USP14: variants seen among roughly 807,000 people sequenced by gnomAD.
USP14 encodes the protein ubiquitin specific peptidase 14.
In USP14, 38 loss-of-function variants were observed where a neutral mutation model predicts 76.5. The ratio of observed to expected loss-of-function variants is 0.50; its 90% CI spans 0.38 to 0.65. The LOEUF (loss-of-function observed/expected upper bound fraction) is 0.65. USP14 is among the 30% of genes least tolerant of loss of function. The probability of loss-of-function intolerance (pLI) is 0.00; values close to 1 mark genes in which losing one functional copy is unlikely to be tolerated. For synonymous variants in USP14, 192 were observed against 191.7 expected (o/e 1.00, Z -0.01); for missense variants, 467 against 586.5 (o/e 0.80, Z 2.10).
chr18:170,141 A>G (rs1909401574), intron 3 of USP14, among the ~76,000 whole-genome samples: 1 of 152,040 alleles, frequency 6.6e-6, no homozygotes, highest in East Asian at 1.9e-4. Flanking sequence ...TCTCCACTAA[A>G]TAAAAATAGA....
At chr18:173,974 G>T (rs927496095) in intron 3 of USP14, among the ~76,000 whole-genome samples, 1 of 152,136 alleles carries the variant, frequency 6.6e-6, no homozygotes, top group African/African-American at 2.4e-5. Flanking sequence ...TTCAGGCCTT[G>T]AAATCAGGTC....
In USP14 at chr18:180,290, A is replaced by G. The variant is rs750652268; in HGVS notation, c.355A>G (p.Thr119Ala). The part of the protein sequence containing the change: ...NLGNTCYMNA[T>A]VQCIRSVPEL... ...TGGTAACACTTGTTACATGAATGCC[A>G]CAGTTCAGTGTATTCGTTCTGTGCC... The change falls in exon 5 of 16, where the codon ACA becomes GCA. Residue 119 changes from threonine to alanine, a missense_variant. Thr to Ala is a moderately conservative substitution (Grantham distance 58, BLOSUM62 0). Coordinates refer to ENST00000261601, the MANE Select transcript of USP14 (RefSeq NM_005151.4). 6.3e-7 allele frequency: 1 copy of G among 1,586,996 alleles called. No homozygotes were observed. The highest frequency in any genetic ancestry group is 8.5e-7 in the Non-Finnish European group (1 of 1,173,184).
intron 5 of USP14, among the ~76,000 whole-genome samples, chr18:189,397 C>T (rs1910023964): frequency 6.6e-6 from 1 of 151,994 alleles, no homozygotes; most frequent in Non-Finnish European, 1.5e-5. Context: ...TGCTTGTTCT[C>T]TATTTGTTAG....
intron 5 of USP14, among the ~76,000 whole-genome samples, chr18:180,624 T>A (rs1193668425): frequency 6.6e-6 from 1 of 152,218 alleles, no homozygotes; most frequent in Non-Finnish European, 1.5e-5. Context: ...GTTCATCTAC[T>A]TTCTGTCATA....
At chr18:183,680 A>T (rs1377311183) in intron 5 of USP14, among the ~76,000 whole-genome samples, 1 of 148,798 alleles carries the variant, frequency 6.7e-6, no homozygotes, top group African/African-American at 2.5e-5. Context: ...ATAACTCCTT[A>T]TTCTTAATTT....
chr18:211,081 C>CT, intron 15 of USP14, 52 bp from the exon 16 acceptor site: 3 of 1,570,114 alleles, frequency 1.9e-6, no homozygotes, highest in Admixed American at 3.5e-5. Context: ...CAGTGGAACT[C>CT]TGAGACGAAT....
chr18:210,253 T>C, intron 14 of USP14, 133 bp from the exon 15 acceptor site: 3 of 735,348 alleles, frequency 4.1e-6, no homozygotes, highest in Non-Finnish European at 6.6e-6. Context: ...TTAACTATGA[T>C]TGGACAGTAG....
At chr18:185,758 G>A (rs1022693618) in intron 5 of USP14, among the ~76,000 whole-genome samples, 1 of 151,698 alleles carries the variant, frequency 6.6e-6, no homozygotes, top group Non-Finnish European at 1.5e-5. Flanking sequence ...GGAGTGGCAC[G>A]ATCACAGATC....
In USP14 at chr18:170,028, G is replaced by A. The variant is rs367934425; in HGVS notation, c.195+3209G>A. 7.2e-5 allele frequency among the ~76,000 whole-genome samples: 11 copies of A among 152,168 alleles called. No individual in the cohort carries two copies. In the East Asian group the frequency reaches 2.1e-3, roughly 29 times the overall value. On this transcript the variant is annotated intron_variant, in intron 3 of 15. Transcript: ENST00000261601. ...CAATTAATAACCCTACAGGCTGAGC[G>A]CGGTGGCTCACACCTGTAATCCTAG...
chr18:188,016 C>T (rs546351203), intron 5 of USP14, among the ~76,000 whole-genome samples: 35 of 152,166 alleles, frequency 2.3e-4, no homozygotes, highest in African/African-American at 8.4e-4. Flanking sequence ...CTTCATGTTT[C>T]TTTCGTGCTT....
In USP14 at chr18:171,025, A is replaced by ATATATATATATATAGATATATATATAT. The variant is rs1555762344; in HGVS notation, c.195+4206_195+4207insTATATATATATATAGATATATATATAT. ...CCTGGAACTTAAAAAAAAAAAAAAA[A>ATATATATATATATAGATATATATATAT]ATATATATATATATATATATATATA... On this transcript the variant is annotated intron_variant, in intron 3 of 15. Transcript: ENST00000261601. Among the ~76,000 whole-genome samples the ATATATATATATATAGATATATATATAT allele has an allele frequency of 1.0e-4, 5 of 47,650 alleles. 1 individual carries two copies. The East Asian group carries it at 4.6e-3, about 44-fold the overall frequency. The allele number at this position is 47,650 out of a possible 152,430, so 31.3% of individuals were successfully genotyped here. A position where few individuals can be genotyped will look rare whatever the true frequency, so the allele number is the denominator to read the frequency against.
intron 15 of USP14, 68 bp from the exon 16 acceptor site, chr18:211,065 T>C: frequency 6.5e-7 from 1 of 1,527,540 alleles, no homozygotes; most frequent in Non-Finnish European, 8.9e-7. Context: ...CTTGATACTT[T>C]TTTTGCAGTG....
At chr18:158,868 C>T in intron 1 of USP14, 154 bp downstream of exon 1, 2 of 1,172,222 alleles carry the variant, frequency 1.7e-6, no homozygotes, top group Non-Finnish European at 2.1e-6. Context: ...AGGCACCGTC[C>T]CCTCTCCCGG....
In USP14 at chr18:213,120, A is replaced by C. The variant is rs1475753497; in HGVS notation, c.*1836A>C. On this transcript the variant is annotated 3_prime_UTR_variant, in exon 16 of 16. Transcript: ENST00000261601. ...GAGACCATGAAAATTATAATGATTCATGTATATTTGTATGATGCTTGTAAC... is the reference window on the plus strand; with the variant it reads ...GAGACCATGAAAATTATAATGATTCCTGTATATTTGTATGATGCTTGTAAC... 6.9e-6 allele frequency: 1 copy of C among 145,772 alleles called. No individual in the cohort carries two copies. The highest frequency in any genetic ancestry group is 6.8e-5 in the Admixed American group (1 of 14,744). 9.0% of individuals were successfully genotyped at this position (145,772 alleles called of 1,614,324 possible).
At chr18:196,523 C>CAAA in intron 6 of USP14, 114 bp from the exon 7 acceptor site, 24 of 967,234 alleles carry the variant, frequency 2.5e-5, no homozygotes, top group East Asian at 1.1e-4. Context: ...GACTCCATCT[C>CAAA]AAAAAAAAAA....
At chr18:193,773 C>G (rs564733099) in intron 6 of USP14, among the ~76,000 whole-genome samples, 1 of 152,206 alleles carries the variant, frequency 6.6e-6, no homozygotes, top group East Asian at 1.9e-4. Context: ...GTACTTCATT[C>G]TTTTTTATTG....
chr18:210,382 T>G lies in USP14; in HGVS notation c.1226-4T>G, dbSNP rs200559280. 3 of 1,584,364 alleles carry G rather than the reference T, an allele frequency of 1.9e-6. No homozygotes were observed. Among genetic ancestry groups the G allele is most frequent in the Non-Finnish European group, 1.7e-6 (2 of 1,162,582 alleles). On this transcript the variant is annotated splice_region_variant and splice_polypyrimidine_tract_variant and intron_variant, in intron 14 of 15. Transcript: ENST00000261601. ...AATATTAATGGATTTACATCTTTCT[T>G]TAGATATTGGCTCCAATAATTGTGG...
intron 5 of USP14, among the ~76,000 whole-genome samples, chr18:187,572 A>AT (rs1223822028): frequency 1.3e-5 from 2 of 152,042 alleles, no homozygotes; most frequent in African/African-American, 4.8e-5. Context: ...CTGTCTCCCC[A>AT]TTGTTTCAGG....
chr18:204,881 AGTTTTGCATGT>A (rs199876476), intron 13 of USP14, among the ~76,000 whole-genome samples, 189 bp downstream of exon 13: 113 of 151,610 alleles, frequency 7.5e-4, no homozygotes, highest in Admixed American at 4.9e-3. Context: ...AGATCTTTAA[AGTTTTGCATGT>A]GTTTTATTTT....
Sources: allele counts gnomAD v4.1 joint callset (sites outside exome capture counted in the v4.1 genomes callset), GRCh38; gene constraint gnomAD v4.1.1; transcripts MANE v1.5; gene names NCBI Gene and HGNC (gene_info 2026-07-23, HGNC 2026-07-21).